The following PNPLA8 variants were observed in gnomAD, a reference collection of about 807,000 sequenced individuals.
PNPLA8 encodes the protein patatin like domain 8, phospholipase A2.
A neutral mutation model predicts 76.9 loss-of-function variants in PNPLA8; 39 were observed. The ratio of observed to expected loss-of-function variants is 0.51; its 90% CI spans 0.39 to 0.66. The LOEUF is 0.66. PNPLA8 is among the 30% of genes least tolerant of loss of function. The pLI, the probability that PNPLA8 is intolerant of heterozygous loss-of-function variation, is 0.00. For synonymous variants in PNPLA8, 301 were observed against 307.9 expected (o/e 0.98, Z 0.24); for missense variants, 887 against 918.0 (o/e 0.97, Z 0.44).
Position 108,472,362 on chromosome 7 carries a change from A to C in PNPLA8, c.*39T>G. 1 of 1,420,004 alleles carries C rather than the reference A, an allele frequency of 7.0e-7. No homozygotes were observed. The highest frequency in any genetic ancestry group is 9.5e-7 in the Non-Finnish European group (1 of 1,047,434). 88.0% of individuals were successfully genotyped at this position (1,420,004 alleles called of 1,614,324 possible). On this transcript the variant is annotated 3_prime_UTR_variant, in exon 11 of 11. Transcript: ENST00000257694. ...CCTTATTGAATGTGGTTGATCTTCT[A>C]AACAGACCTTCATTTATGAGAACAT...
At position 108,504,440 on chromosome 7, in the gene PNPLA8, C is replaced by G. The variant is rs1185727347; in HGVS notation, c.1207-1798G>C. On this transcript the variant is annotated intron_variant, in intron 4 of 10. Coordinates refer to ENST00000257694, the MANE Select transcript of PNPLA8 (RefSeq NM_001256007.3). ...TCCAATGGAAGATGTAAAAGACACC[C>G]AACACTGAAAATTTTTAAAACACAG... 2.6e-5 allele frequency among the ~76,000 whole-genome samples: 4 copies of G among 151,880 alleles called. 1 individual carries two copies. Among genetic ancestry groups the G allele is most frequent in the African/African-American group, 9.7e-5 (4 of 41,350 alleles).
At position 108,471,206 on chromosome 7, in the gene PNPLA8, ACTT is replaced by A. The variant is rs1326509576; in HGVS notation, c.*1192_*1194del. The A allele has an allele frequency of 1.9e-3, 288 of 149,178 alleles. No homozygotes were observed. The highest frequency in any genetic ancestry group is 4.7e-3 in the African/African-American group (188 of 40,162). The allele number at this position is 149,178 out of a possible 1,614,324, so 9.2% of individuals were successfully genotyped here. On this transcript the variant is annotated 3_prime_UTR_variant, in exon 11 of 11. Transcript: ENST00000257694. ...GAGTTAATAAGGTAAAACAAGCCTA[ACTT>A]CTTCTTTTTTTTTTTTTTTTTTTTG...
At chr7:108,515,623 G>T in intron 2 of PNPLA8, 49 bp from the exon 3 acceptor site, 3 of 1,128,114 alleles carry the variant, frequency 2.7e-6, no homozygotes, top group Non-Finnish European at 3.4e-6. Flanking sequence ...AATTGAAATT[G>T]GGTATAACAG....
intron 7 of PNPLA8, among the ~76,000 whole-genome samples, chr7:108,496,007 T>C (rs1348292920): frequency 6.6e-6 from 1 of 152,174 alleles, no homozygotes; most frequent in Non-Finnish European, 1.5e-5. Flanking sequence ...TATATATACT[T>C]TGGGAGGCAG....
intron 9 of PNPLA8, among the ~76,000 whole-genome samples, chr7:108,480,560 G>A (rs1243594388): frequency 6.6e-6 from 1 of 152,102 alleles, no homozygotes; most frequent in Non-Finnish European, 1.5e-5. Context: ...GATGTCACTG[G>A]TGCTTGGCAT....
intron 10 of PNPLA8, among the ~76,000 whole-genome samples, chr7:108,478,606 G>C (rs1220471024): frequency 2.6e-5 from 4 of 152,072 alleles, no homozygotes; most frequent in Non-Finnish European, 5.9e-5. Flanking sequence ...TGATCAGGCT[G>C]GTCTCAAACT....
At chr7:108,516,947 G>C (rs1863390315) in intron 2 of PNPLA8, among the ~76,000 whole-genome samples, 1 of 151,348 alleles carries the variant, frequency 6.6e-6, no homozygotes, top group Non-Finnish European at 1.5e-5. Flanking sequence ...GCTCTGTGAA[G>C]GTCAATGTCA....
chr7:108,521,409 C>T (rs1863730546), intron 2 of PNPLA8, 67 bp downstream of exon 2: 1 of 271,936 alleles, frequency 3.7e-6, no homozygotes, highest in Admixed American at 6.5e-5. Flanking sequence ...TGAAGGTAAA[C>T]ATAAGGGAAA....
chr7:108,512,650 T>G (rs1288624767), intron 4 of PNPLA8, among the ~76,000 whole-genome samples: 2 of 152,176 alleles, frequency 1.3e-5, no homozygotes, highest in African/African-American at 4.8e-5. Flanking sequence ...AACAAAAAGT[T>G]TAGCTGGAAA....
At chr7:108,492,646 T>A (rs1449949169) in intron 7 of PNPLA8, among the ~76,000 whole-genome samples, 1 of 152,106 alleles carries the variant, frequency 6.6e-6, no homozygotes, top group African/African-American at 2.4e-5. Flanking sequence ...TAGATTCTAC[T>A]GATGGCATAA....
intron 5 of PNPLA8, among the ~76,000 whole-genome samples, chr7:108,499,687 A>T (rs1421249806): frequency 1.3e-5 from 2 of 152,220 alleles, no homozygotes; most frequent in East Asian, 3.8e-4. Context: ...ACACTGCCAA[A>T]TGTCCTTTAG....
In PNPLA8 at chr7:108,470,735, G is replaced by A. The variant is rs1413097808; in HGVS notation, c.*1666C>T. ...ACTATATTATCTTTAGAAATCATTG[G>A]TAGTTTCCTATTTTATACTATGTCT... On this transcript the variant is annotated 3_prime_UTR_variant, in exon 11 of 11. Coordinates refer to ENST00000257694, the MANE Select transcript of PNPLA8 (RefSeq NM_001256007.3). 6.6e-6 allele frequency: 1 copy of A among 152,090 alleles called. No homozygotes were observed. The highest frequency in any genetic ancestry group is 1.5e-5 in the Non-Finnish European group (1 of 68,018). 9.4% of individuals were successfully genotyped at this position (152,090 alleles called of 1,614,324 possible).
At chr7:108,476,514 A>C (rs1403117931) in intron 10 of PNPLA8, among the ~76,000 whole-genome samples, 1 of 152,232 alleles carries the variant, frequency 6.6e-6, no homozygotes, top group Non-Finnish European at 1.5e-5. Context: ...ACTGGGGAAA[A>C]GGAACCCTTG....
chr7:108,514,459 G>C lies in PNPLA8; in HGVS notation c.1033C>G (p.Arg345Gly), dbSNP rs199676922. 1.6e-5 allele frequency: 25 copies of C among 1,610,104 alleles called. No individual in the cohort carries two copies. The highest frequency in any genetic ancestry group is 2.0e-5 in the Non-Finnish European group (24 of 1,178,514). ...GCCTTTTCTCGCTGAAGAGATAAAC[G>C]CTTTTTCTCCTCTGCATTTCTGTCT... The part of the protein sequence containing the change: ...SKDRNAEEKK[R>G]LSLQREKIIA... The change falls in exon 3 of 11, where the codon CGT becomes GGT. Residue 345 changes from arginine (R) to glycine (G), a missense_variant. Coordinates refer to ENST00000257694, the MANE Select transcript of PNPLA8 (RefSeq NM_001256007.3).
rs763810064 is a variant in PNPLA8, at chr7:108,497,555, G to A, written c.1381C>T (p.Leu461=). The A allele has an allele frequency of 1.9e-6, 3 of 1,607,968 alleles. No individual in the cohort carries two copies. Among genetic ancestry groups the A allele is most frequent in the East Asian group, 4.5e-5 (2 of 44,526 alleles). Residue 461 remains leucine, a synonymous_variant, in exon 6 of 11, where the codon CTA becomes TTA. Coordinates refer to ENST00000257694, the MANE Select transcript of PNPLA8 (RefSeq NM_001256007.3). ...TGAGTAAGTTCAACTAATTTTCGTAGGGTCTGGAGAGCAACCACGCCCCTA... is the reference window on the plus strand; with the variant it reads ...TGAGTAAGTTCAACTAATTTTCGTAAGGTCTGGAGAGCAACCACGCCCCTA... ...GTRGVVALQT[L]RKLVELTQKP...
Position 108,494,240 on chromosome 7 carries a change from G to A in PNPLA8, c.1625+2344C>T, listed in dbSNP as rs1288872220. Among the ~76,000 whole-genome samples, 3 of 152,184 alleles carry A rather than the reference G, an allele frequency of 2.0e-5. No homozygotes were observed. The East Asian group carries it at 5.8e-4, about 29-fold the overall frequency. ...TAAATTTAAACTTTTAGTATAAAGA[G>A]TATGCATGCAGGTTTTGTTACATGG... is the stretch of plus-strand genomic sequence containing the variant. On this transcript the variant is annotated intron_variant, in intron 7 of 10. Transcript: ENST00000257694.
chr7:108,525,860 G>A (rs1864039808), intron 1 of PNPLA8, among the ~76,000 whole-genome samples, 169 bp downstream of exon 1: 1 of 152,362 alleles, frequency 6.6e-6, no homozygotes, highest in African/African-American at 2.4e-5. Flanking sequence ...TCCAGGACCT[G>A]CGGGCTCCTT....
intron 7 of PNPLA8, among the ~76,000 whole-genome samples, chr7:108,493,093 T>C (rs1415611703): frequency 6.6e-6 from 1 of 152,182 alleles, no homozygotes; most frequent in Admixed American, 6.5e-5. Flanking sequence ...CACAGAGTCA[T>C]GAGACTAAAT....
chr7:108,522,061 C>T (rs375317987), intron 1 of PNPLA8, among the ~76,000 whole-genome samples: 108 of 151,538 alleles, frequency 7.1e-4, no homozygotes, highest in African/African-American at 2.6e-3. Context: ...TTTGGGAGGC[C>T]GAGGTGGGTG....
Sources: allele counts gnomAD v4.1 joint callset (sites outside exome capture counted in the v4.1 genomes callset), GRCh38; gene constraint gnomAD v4.1.1; transcripts MANE v1.5; gene names NCBI Gene and HGNC (gene_info 2026-07-23, HGNC 2026-07-21).